Variants in RBM47 observed in about 807,000 individuals in gnomAD.
The protein encoded by RBM47 is RNA binding motif protein 47, also known as RNA-binding protein 47.
In RBM47, 21 loss-of-function variants were observed where a neutral mutation model predicts 47.1. That is an observed-to-expected ratio of 0.45 (90% CI 0.32 to 0.64). The LOEUF (loss-of-function observed/expected upper bound fraction) is 0.64. Ranked by LOEUF, RBM47 falls within the 30% of genes least tolerant of loss-of-function variation. RBM47 has a pLI of 0.05. For missense variants in RBM47, 708 were observed against 870.9 expected (o/e 0.81, Z 2.35); for synonymous variants, 375 against 361.7 (o/e 1.04, Z -0.42).
chr4:40,565,241 T>C (rs1730985258), intron 1 of RBM47, among the ~76,000 whole-genome samples: 1 of 152,206 alleles, frequency 6.6e-6, no homozygotes, highest in Non-Finnish European at 1.5e-5. Context: ...CCCCCAGTGA[T>C]GTTAAGCAGT....
rs188369533 is a variant in RBM47 at position 40,481,319 on chromosome 4, C to T, written c.-154-14620G>A. On this transcript the variant is annotated intron_variant, in intron 2 of 6. Transcript: ENST00000295971. ...ATGGAGTCTCACTCTGTCACCCAGG[C>T]TGGAGTGCAGCGGCGTGACCTTGGC... Among the ~76,000 whole-genome samples, 4 of 147,898 alleles carry T rather than the reference C, an allele frequency of 2.7e-5. No individual in the cohort carries two copies. The East Asian group carries it at 7.9e-4, about 29-fold the overall frequency.
At chr4:40,545,048 CTTTTT>C (rs532170715) in intron 1 of RBM47, among the ~76,000 whole-genome samples, 1 of 114,256 alleles carries the variant, frequency 8.8e-6, no homozygotes, top group Middle Eastern at 4.1e-3. Flanking sequence ...GAGTGAGATC[CTTTTT>C]TTTTTTTTTT....
intron 1 of RBM47, among the ~76,000 whole-genome samples, chr4:40,619,254 C>A (rs533962670): frequency 1.2e-4 from 19 of 152,240 alleles, no homozygotes; most frequent in African/African-American, 4.6e-4. Flanking sequence ...AAGAGTGAGA[C>A]CCTGTCTCTA....
At chr4:40,550,321 CT>C (rs1729441795) in intron 1 of RBM47, among the ~76,000 whole-genome samples, 1 of 152,188 alleles carries the variant, frequency 6.6e-6, no homozygotes, top group Non-Finnish European at 1.5e-5. Context: ...CATGAGAAAA[CT>C]TTCCAGAGAT....
chr4:40,483,588 C>G (rs1435908240), intron 2 of RBM47, among the ~76,000 whole-genome samples: 3 of 152,228 alleles, frequency 2.0e-5, no homozygotes, highest in Admixed American at 6.5e-5. Flanking sequence ...CCCAGCTACT[C>G]GGGAAGCTGA....
intron 1 of RBM47, among the ~76,000 whole-genome samples, chr4:40,572,598 C>G (rs1268475986): frequency 6.6e-6 from 1 of 151,510 alleles, no homozygotes; most frequent in Non-Finnish European, 1.5e-5. Flanking sequence ...AACAAAACAA[C>G]AACTTAATAA....
At chr4:40,477,950 G>A (rs1385912163) in intron 2 of RBM47, among the ~76,000 whole-genome samples, 1 of 148,710 alleles carries the variant, frequency 6.7e-6, no homozygotes, top group Non-Finnish European at 1.5e-5. Context: ...ACAGCCCTCT[G>A]TATAGGCACG....
At chr4:40,622,817 G>T (rs1178754272) in intron 1 of RBM47, among the ~76,000 whole-genome samples, 2 of 152,228 alleles carry the variant, frequency 1.3e-5, no homozygotes, top group African/African-American at 4.8e-5. Context: ...GGAAGGCAGA[G>T]GTTGCAGTGA....
intron 1 of RBM47, among the ~76,000 whole-genome samples, chr4:40,586,240 G>A (rs114089135): frequency 1.4e-3 from 220 of 152,216 alleles, no homozygotes; most frequent in African/African-American, 5.1e-3. Flanking sequence ...TGAGGTTTGA[G>A]GTAAAGAACT....
intron 3 of RBM47, among the ~76,000 whole-genome samples, chr4:40,455,239 G>A (rs917533427): frequency 3.3e-5 from 5 of 152,186 alleles, no homozygotes; most frequent in Non-Finnish European, 5.9e-5. Context: ...TGGAAATGTT[G>A]AAGGACTAGA....
At chr4:40,617,916 G>C (rs965033801) in intron 1 of RBM47, among the ~76,000 whole-genome samples, 1 of 151,932 alleles carries the variant, frequency 6.6e-6, no homozygotes, top group Non-Finnish European at 1.5e-5. Context: ...TGGACATAAA[G>C]AGAAACACTG....
intron 1 of RBM47, among the ~76,000 whole-genome samples, chr4:40,562,666 A>G (rs1730746718): frequency 1.3e-5 from 2 of 152,128 alleles, no homozygotes; most frequent in African/African-American, 4.8e-5. Flanking sequence ...AGGTTTCACC[A>G]TGTTAGCCAG....
intron 2 of RBM47, among the ~76,000 whole-genome samples, chr4:40,472,297 G>A (rs538613941): frequency 1.1e-4 from 17 of 151,896 alleles, no homozygotes; most frequent in Admixed American, 4.6e-4. Context: ...GTTTTTTGTC[G>A]GGTGCGGTGG....
chr4:40,516,258 TTTC>T (rs1426287433), intron 2 of RBM47, among the ~76,000 whole-genome samples: 47 of 141,980 alleles, frequency 3.3e-4, no homozygotes, highest in Non-Finnish European at 1.1e-4. Context: ...TTTTCTTTTC[TTTC>T]TTTTTTTTTT....
At chr4:40,472,713 T>C (rs1418676569) in intron 2 of RBM47, among the ~76,000 whole-genome samples, 1 of 152,088 alleles carries the variant, frequency 6.6e-6, no homozygotes, top group African/African-American at 2.4e-5. Context: ...GTGTAATATA[T>C]ATATAAACAA....
chr4:40,485,930 G>GC (rs554752342), intron 2 of RBM47, among the ~76,000 whole-genome samples: 14 of 151,192 alleles, frequency 9.3e-5, no homozygotes, highest in African/African-American at 3.4e-4. Context: ...CATTAGCTAG[G>GC]CATGGTGGCA....
At chr4:40,480,059 C>T (rs1194225095) in intron 2 of RBM47, among the ~76,000 whole-genome samples, 2 of 148,442 alleles carry the variant, frequency 1.3e-5, no homozygotes, top group Admixed American at 6.8e-5. Context: ...CTCACTGCGA[C>T]CTCCACCTCT....
intron 2 of RBM47, among the ~76,000 whole-genome samples, chr4:40,482,024 G>A (rs570935699): frequency 1.3e-5 from 2 of 152,234 alleles, no homozygotes; most frequent in South Asian, 2.1e-4. Context: ...GTGAGCCACC[G>A]TACCTGGCCA....
intron 3 of RBM47, among the ~76,000 whole-genome samples, chr4:40,465,242 C>T (rs376354157): frequency 5.3e-5 from 8 of 152,156 alleles, no homozygotes; most frequent in East Asian, 1.9e-4. Flanking sequence ...CTGCCTCCAC[C>T]TTCTGGAGCT....
Sources: allele counts gnomAD v4.1 joint callset (sites outside exome capture counted in the v4.1 genomes callset), GRCh38; gene constraint gnomAD v4.1.1; transcripts MANE v1.5; gene names NCBI Gene and HGNC (gene_info 2026-07-23, HGNC 2026-07-21).